ERC2: variants seen among roughly 807,000 people sequenced by gnomAD.
ERC2 encodes ERC protein 2.
A neutral mutation model predicts 114.8 loss-of-function variants in ERC2; 42 were observed. That is an observed-to-expected ratio of 0.37 (90% CI 0.29 to 0.47). The LOEUF is 0.47. ERC2 is among the 20% of genes least tolerant of loss of function. The probability of loss-of-function intolerance (pLI) is 0.99; values close to 1 mark genes in which losing one functional copy is unlikely to be tolerated. For missense variants in ERC2, 939 were observed against 1,150.7 expected (o/e 0.82, Z 2.66); for synonymous variants, 454 against 425.5 (o/e 1.07, Z -0.82).
At chr3:56,372,653 A>C (rs564733891) in intron 2 of ERC2, among the ~76,000 whole-genome samples, 1 of 152,310 alleles carries the variant, frequency 6.6e-6, no homozygotes, top group South Asian at 2.1e-4. Flanking sequence ...ACTTGAATCC[A>C]GGAGGTGGAG....
At chr3:55,537,682 AG>A (rs1247801631) in intron 17 of ERC2, among the ~76,000 whole-genome samples, 1 of 152,258 alleles carries the variant, frequency 6.6e-6, no homozygotes, top group Non-Finnish European at 1.5e-5. Context: ...AGAAATCATA[AG>A]CTGTCTTGGA....
At chr3:56,218,380 C>T (rs1407357174) in intron 3 of ERC2, among the ~76,000 whole-genome samples, 3 of 152,060 alleles carry the variant, frequency 2.0e-5, no homozygotes, top group Non-Finnish European at 4.4e-5. Flanking sequence ...CCAAAAGACA[C>T]ATGAAAAAAT....
rs560545824 is a variant in ERC2 at position 55,614,654 on chromosome 3, C to T, written c.*39+69140G>A. Among the ~76,000 whole-genome samples, 5 of 152,242 alleles carry T rather than the reference C, an allele frequency of 3.3e-5. No homozygotes were observed. The South Asian group carries it at 8.3e-4, about 25-fold the overall frequency. ...CTATGCCAATGATACTAGTAGACCA[C>T]GTGGATAAAAGACAAATGTGCTCAC... On this transcript the variant is annotated intron_variant, in intron 17 of 17. Coordinates refer to ENST00000288221, the MANE Select transcript of ERC2 (RefSeq NM_015576.3).
chr3:55,638,925 C>A lies in ERC2; in HGVS notation c.*39+44869G>T, dbSNP rs1398130694. Among the ~76,000 whole-genome samples the A allele has an allele frequency of 3.9e-5, 6 of 152,152 alleles. No homozygotes were observed. The South Asian group carries it at 8.3e-4, about 21-fold the overall frequency. On this transcript the variant is annotated intron_variant, in intron 17 of 17. Coordinates refer to ENST00000288221, the MANE Select transcript of ERC2 (RefSeq NM_015576.3). ...ATCTTATCTTAGTGGAGATGGTGGA[C>A]AGCACAGGGTTTGGTTTCAAAGACA...
intron 12 of ERC2, among the ~76,000 whole-genome samples, chr3:55,972,498 A>G (rs2069242052): frequency 6.6e-6 from 1 of 151,576 alleles, no homozygotes; most frequent in African/African-American, 2.4e-5. Context: ...TCACTATTCA[A>G]CTCCCACCTA....
intron 13 of ERC2, among the ~76,000 whole-genome samples, chr3:55,934,069 T>G: frequency 6.6e-6 from 1 of 152,322 alleles, no homozygotes; most frequent in Non-Finnish European, 1.5e-5. Flanking sequence ...TGAAAATGGA[T>G]ATGCATATGT....
chr3:55,905,405 TCA>T (rs200278553), intron 13 of ERC2, among the ~76,000 whole-genome samples: 1,837 of 151,988 alleles, frequency 0.012, 37 homozygotes, highest in African/African-American at 0.043. Flanking sequence ...TTTGTGGACC[TCA>T]CAGTTTGGAG....
intron 12 of ERC2, among the ~76,000 whole-genome samples, chr3:55,952,877 T>G (rs550304086): frequency 6.6e-6 from 1 of 152,026 alleles, no homozygotes; most frequent in African/African-American, 2.4e-5. Flanking sequence ...AACCCACGTG[T>G]CCCTTAAAGC....
At chr3:56,006,738 T>C (rs2072525101) in intron 10 of ERC2, among the ~76,000 whole-genome samples, 1 of 152,074 alleles carries the variant, frequency 6.6e-6, no homozygotes, top group Non-Finnish European at 1.5e-5. Flanking sequence ...GGTGAACTTC[T>C]AGAAAGTTAA....
In ERC2 at chr3:55,793,006, T is replaced by C. The variant is rs188740873; in HGVS notation, c.2565-58088A>G. ...ATAACCCTGAGCCCTGGGGAGTATA[T>C]AGATTGGTCCAAATAGCAATATTTG... On this transcript the variant is annotated intron_variant, in intron 14 of 17. Coordinates refer to ENST00000288221, the MANE Select transcript of ERC2 (RefSeq NM_015576.3). Among the ~76,000 whole-genome samples the C allele has an allele frequency of 1.3e-3, 195 of 152,290 alleles. 1 individual carries two copies. The highest frequency in any genetic ancestry group is 3.1e-3 in the Admixed American group (47 of 15,292).
chr3:55,689,750 G>A (rs952166913), intron 16 of ERC2, among the ~76,000 whole-genome samples: 15 of 149,424 alleles, frequency 1.0e-4, no homozygotes, highest in African/African-American at 3.0e-4. Flanking sequence ...CCGAGATCGC[G>A]CCATTGCACT....
intron 2 of ERC2, among the ~76,000 whole-genome samples, chr3:56,427,153 T>G (rs555550928): frequency 4.0e-5 from 6 of 149,780 alleles, no homozygotes; most frequent in Non-Finnish European, 5.9e-5. Context: ...CACAGTGAGA[T>G]CCTGTCTCAG....
intron 14 of ERC2, among the ~76,000 whole-genome samples, chr3:55,867,668 GTTCTTCTTTT>G (rs1329619089): frequency 6.6e-6 from 1 of 152,026 alleles, no homozygotes; most frequent in Non-Finnish European, 1.5e-5. Context: ...GAGTAAACTC[GTTCTTCTTTT>G]TGCTAGTCAA....
At chr3:55,730,695 A>G (rs2065199931) in intron 15 of ERC2, among the ~76,000 whole-genome samples, 1 of 152,046 alleles carries the variant, frequency 6.6e-6, no homozygotes, top group Non-Finnish European at 1.5e-5. Context: ...ATGTAGTGAA[A>G]CCCCATTTCT....
At chr3:55,749,986 T>C (rs1254786254) in intron 14 of ERC2, among the ~76,000 whole-genome samples, 1 of 152,146 alleles carries the variant, frequency 6.6e-6, no homozygotes, top group East Asian at 1.9e-4. Context: ...AAAGATATCT[T>C]TAAGGATGAC....
intron 6 of ERC2, among the ~76,000 whole-genome samples, chr3:56,085,970 A>G (rs2077479606): frequency 6.6e-6 from 1 of 152,158 alleles, no homozygotes; most frequent in East Asian, 1.9e-4. Flanking sequence ...AAATTACAAT[A>G]TGGGAGGTAG....
At chr3:55,829,651 A>G (rs1575745778) in intron 14 of ERC2, among the ~76,000 whole-genome samples, 1 of 152,270 alleles carries the variant, frequency 6.6e-6, no homozygotes, top group African/African-American at 2.4e-5. Context: ...AGTGGCTGGG[A>G]CCACAGGTGT....
chr3:56,245,510 T>TTG (rs34578755), intron 3 of ERC2, among the ~76,000 whole-genome samples: 1,815 of 149,314 alleles, frequency 0.012, 15 homozygotes, highest in Non-Finnish European at 0.016. Context: ...GTGTGGTATG[T>TTG]TGTGTGTGTG....
At chr3:56,187,609 G>C (rs1213647099) in intron 3 of ERC2, among the ~76,000 whole-genome samples, 1 of 152,166 alleles carries the variant, frequency 6.6e-6, no homozygotes, top group Non-Finnish European at 1.5e-5. Context: ...CCTGCAGACA[G>C]GAAGGAATTA....
Sources: allele counts gnomAD v4.1 joint callset (sites outside exome capture counted in the v4.1 genomes callset), GRCh38; gene constraint gnomAD v4.1.1; transcripts MANE v1.5; gene names NCBI Gene and HGNC (gene_info 2026-07-23, HGNC 2026-07-21).